The following PTPRD variants were observed in gnomAD, a reference collection of about 807,000 sequenced individuals.
PTPRD encodes the protein protein tyrosine phosphatase receptor type D.
A neutral mutation model predicts 214.5 loss-of-function variants in PTPRD; 34 were observed. The observed-to-expected ratio is 0.16, with a 90% confidence interval of 0.12 to 0.21. The LOEUF is 0.21. Among genes scored for constraint, PTPRD ranks in the 10% least tolerant of loss-of-function variants. The pLI, the probability that PTPRD is intolerant of heterozygous loss-of-function variation, is 1.00. For missense variants in PTPRD, 2,545 were observed against 2,398.7 expected (o/e 1.06, Z -1.27); for synonymous variants, 1,128 against 845.7 (o/e 1.33, Z -5.79).
chr9:9,332,283 G>A (rs1449456982), intron 9 of PTPRD, among the ~76,000 whole-genome samples: 2 of 151,868 alleles, frequency 1.3e-5, no homozygotes, highest in Non-Finnish European at 1.5e-5. Flanking sequence ...GAAACAGCAG[G>A]TGAATCATGC....
intron 4 of PTPRD, among the ~76,000 whole-genome samples, chr9:9,965,871 G>T (rs1351888492): frequency 6.6e-6 from 1 of 152,182 alleles, no homozygotes; most frequent in African/African-American, 2.4e-5. Flanking sequence ...AACACTATTT[G>T]TTTATGCATA....
At chr9:9,354,905 C>T (rs2780075) in intron 9 of PTPRD, among the ~76,000 whole-genome samples, 45,349 of 151,420 alleles carry the variant, frequency 0.3, 10,235 homozygotes, top group African/African-American at 0.63. Context: ...AAGGATAGTC[C>T]ATGCCTGGCA....
chr9:9,644,461 A>C (rs1377540566), intron 7 of PTPRD, among the ~76,000 whole-genome samples: 1 of 152,232 alleles, frequency 6.6e-6, no homozygotes, highest in African/African-American at 2.4e-5. Flanking sequence ...TTTGGTCTGA[A>C]TAAAGATTTC....
At chr9:9,868,824 TACA>T (rs969254317) in intron 5 of PTPRD, among the ~76,000 whole-genome samples, 3 of 151,208 alleles carry the variant, frequency 2.0e-5, no homozygotes, top group African/African-American at 7.4e-5. Flanking sequence ...ATCTCTCATC[TACA>T]ACACCAGATT....
rs566209104 is a variant in PTPRD, at chr9:10,297,506, G to C, written c.-545+43457C>G. On this transcript the variant is annotated intron_variant, in intron 3 of 45. Transcript: ENST00000381196. ...GCAAGTATTTCTTCCAGTAGGGAAA[G>C]TGAATTCCCAGGGTGAGCCTGAGTA... Among the ~76,000 whole-genome samples the C allele has an allele frequency of 2.0e-5, 3 of 151,718 alleles. No individual in the cohort carries two copies. In the South Asian group the frequency reaches 6.2e-4, roughly 32 times the overall value.
chr9:10,570,194 T>C (rs1000715930), intron 2 of PTPRD, among the ~76,000 whole-genome samples: 2 of 152,184 alleles, frequency 1.3e-5, no homozygotes, highest in Non-Finnish European at 2.9e-5. Flanking sequence ...GTTTTTGCAT[T>C]TGTTATCCAT....
At chr9:8,940,078 A>AG (rs201606763) in intron 11 of PTPRD, among the ~76,000 whole-genome samples, 2 of 147,138 alleles carry the variant, frequency 1.4e-5, no homozygotes, top group African/African-American at 5.0e-5. Context: ...AAAAAAAAAA[A>AG]GAAGACTTAC....
intron 2 of PTPRD, among the ~76,000 whole-genome samples, chr9:10,449,389 C>A (rs2098822311): frequency 6.6e-6 from 1 of 151,892 alleles, no homozygotes; most frequent in Non-Finnish European, 1.5e-5. Flanking sequence ...CCGCTCGCTA[C>A]AACCTCCACC....
At chr9:8,402,468 G>T (rs1455425428) in intron 36 of PTPRD, among the ~76,000 whole-genome samples, 1 of 152,146 alleles carries the variant, frequency 6.6e-6, no homozygotes, top group Non-Finnish European at 1.5e-5. Context: ...GTTATTGAAT[G>T]ACCTAATTCT....
intron 10 of PTPRD, among the ~76,000 whole-genome samples, chr9:9,047,929 A>ATTT (rs1394069617): frequency 1.9e-4 from 29 of 152,254 alleles, no homozygotes; most frequent in African/African-American, 7.0e-4. Flanking sequence ...AAACAATCAA[A>ATTT]AAAGTGAAAA....
intron 14 of PTPRD, among the ~76,000 whole-genome samples, chr9:8,594,930 T>G (rs1287245144): frequency 6.7e-6 from 1 of 148,656 alleles, no homozygotes; most frequent in African/African-American, 2.5e-5. Flanking sequence ...TGGCGCAAAC[T>G]TGGCTCACTG....
At chr9:9,582,841 T>C (rs1450198027) in intron 7 of PTPRD, among the ~76,000 whole-genome samples, 1 of 152,052 alleles carries the variant, frequency 6.6e-6, no homozygotes, top group African/African-American at 2.4e-5. Flanking sequence ...AAAACTATAA[T>C]CTTTGTCTTC....
chr9:8,778,499 A>G (rs958431348), intron 11 of PTPRD, among the ~76,000 whole-genome samples: 2 of 152,160 alleles, frequency 1.3e-5, no homozygotes, highest in African/African-American at 4.8e-5. Context: ...TCTGCCCAAC[A>G]CTGAAACTGA....
At chr9:9,680,531 G>GTGAT (rs2097045600) in intron 7 of PTPRD, among the ~76,000 whole-genome samples, 1 of 151,744 alleles carries the variant, frequency 6.6e-6, no homozygotes, top group South Asian at 2.1e-4. Flanking sequence ...TGTCCCAAAA[G>GTGAT]TGATATACTT....
intron 12 of PTPRD, among the ~76,000 whole-genome samples, chr9:8,679,686 T>C (rs922016748): frequency 6.6e-6 from 1 of 152,242 alleles, no homozygotes; most frequent in Non-Finnish European, 1.5e-5. Context: ...TGAATAGTGA[T>C]GTGATGTTTT....
rs114725976 is a variant in PTPRD at position 10,085,088 on chromosome 9, G to A, written c.-544-51298C>T. On this transcript the variant is annotated intron_variant, in intron 3 of 45. Coordinates refer to ENST00000381196, the MANE Select transcript of PTPRD (RefSeq NM_002839.4). ...TGGTACATGAACATTCATTAGGAATGGTTACAAAATATTTGAATTTCTCCT... is the reference window on the plus strand; with the variant it reads ...TGGTACATGAACATTCATTAGGAATAGTTACAAAATATTTGAATTTCTCCT... Among the ~76,000 whole-genome samples the A allele has an allele frequency of 8.0e-3, 1,211 of 151,786 alleles. 11 individuals are homozygous for A. Among genetic ancestry groups the A allele is most frequent in the African/African-American group, 0.027 (1,119 of 41,446 alleles).
intron 35 of PTPRD, among the ~76,000 whole-genome samples, chr9:8,420,945 G>C (rs1221568939): frequency 6.6e-6 from 1 of 152,012 alleles, no homozygotes; most frequent in Non-Finnish European, 1.5e-5. Context: ...CTGTCAGGGA[G>C]CTTGATGTCC....
chr9:10,534,519 AT>A (rs2057280602), intron 2 of PTPRD, among the ~76,000 whole-genome samples: 1 of 152,104 alleles, frequency 6.6e-6, no homozygotes, highest in Non-Finnish European at 1.5e-5. Context: ...CTAGGCAGGT[AT>A]TTTTATAGCC....
intron 2 of PTPRD, among the ~76,000 whole-genome samples, chr9:10,481,116 T>C (rs2099094858): frequency 6.6e-6 from 1 of 152,046 alleles, no homozygotes; most frequent in Non-Finnish European, 1.5e-5. Context: ...AGGAGAGGTG[T>C]TCTGAAATAT....
Sources: gnomAD v4.1 joint callset for allele counts (sites outside exome capture counted in the v4.1 genomes callset) on GRCh38, gnomAD v4.1.1 for gene constraint, MANE v1.5 for transcripts, NCBI Gene and HGNC (gene_info 2026-07-23, HGNC 2026-07-21) for gene names.